The following EPHA10 variants were observed in gnomAD, a reference collection of about 807,000 sequenced individuals.
EPHA10 encodes the protein ephrin type-A receptor 10.
In EPHA10, 120 loss-of-function variants were observed where a neutral mutation model predicts 109.7. The observed-to-expected ratio is 1.09, with a 90% CI of 0.94 to 1.27. The LOEUF is 1.27. EPHA10 is among the 50% of genes most tolerant of loss of function. EPHA10 has a pLI of 0.00. For synonymous variants in EPHA10, 640 were observed against 618.9 expected (o/e 1.03, Z -0.51); for missense variants, 1,396 against 1,411.1 (o/e 0.99, Z 0.17).
At chr1:37,722,017 G>C in intron 10 of EPHA10, 172 bp from the exon 11 acceptor site, 1 of 580,220 alleles carries the variant, frequency 1.7e-6, no homozygotes, top group Non-Finnish European at 2.9e-6. Flanking sequence ...TGTAATCCCA[G>C]CTACTTGAGA....
intron 10 of EPHA10, chr1:37,722,270 T>G: frequency 4.1e-6 from 1 of 246,728 alleles, no homozygotes; most frequent in Non-Finnish European, 8.2e-6. Context: ...CCTCTCTGCC[T>G]TCCTCAGTGG....
intron 3 of EPHA10, among the ~76,000 whole-genome samples, chr1:37,757,591 C>T (rs1646400212): frequency 6.6e-6 from 1 of 152,198 alleles, no homozygotes; most frequent in South Asian, 2.1e-4. Flanking sequence ...CTCCCCACTC[C>T]CCAAGGCAGA....
At chr1:37,745,002 G>A (rs570927488) in intron 5 of EPHA10, among the ~76,000 whole-genome samples, 24 of 152,346 alleles carry the variant, frequency 1.6e-4, no homozygotes, top group Admixed American at 1.0e-3. Context: ...AGACAGCCAT[G>A]TGACTAGAGT....
chr1:37,725,506 C>CAAAAAAAAAAA (rs536628850), intron 8 of EPHA10, among the ~76,000 whole-genome samples: 1 of 56,434 alleles, frequency 1.8e-5, no homozygotes, highest in Non-Finnish European at 3.2e-5. Context: ...GGCTCCATCT[C>CAAAAAAAAAAA]AAAAAAAAAA....
intron 13 of EPHA10, 88 bp downstream of exon 13, chr1:37,720,263 A>G (rs1193618548): frequency 4.1e-6 from 6 of 1,448,982 alleles, no homozygotes; most frequent in Non-Finnish European, 5.5e-6. Flanking sequence ...AGGGGCAGGG[A>G]AAGGAGTAGA....
At position 37,764,908 on chromosome 1, in the gene EPHA10, C is replaced by T. The variant is rs1646461899; in HGVS notation, c.106+53G>A. On this transcript the variant is annotated intron_variant, in intron 1 of 16. Transcript: ENST00000373048. This position sits in a 1 kb window ranked among gnomAD's most constrained non-coding sequence, Gnocchi z 5.8. ...CTTCCCCCAGAACCCCCATCGCCAG[C>T]CCCCTATCTTTTGGTATGCCACGCT... is the stretch of plus-strand genomic sequence containing the variant. 4.0e-6 allele frequency: 6 copies of T among 1,509,610 alleles called. No homozygotes were observed. Among genetic ancestry groups the T allele is most frequent in the Non-Finnish European group, 5.4e-6 (6 of 1,110,764 alleles). The allele number at this position is 1,509,610 out of a possible 1,614,324, so 93.5% of individuals were successfully genotyped here. A position where few individuals can be genotyped will look rare whatever the true frequency, so the allele number is the denominator to read the frequency against.
chr1:37,748,054 A>T (rs1211640954), intron 5 of EPHA10, among the ~76,000 whole-genome samples: 1 of 152,210 alleles, frequency 6.6e-6, no homozygotes, highest in Non-Finnish European at 1.5e-5. Flanking sequence ...AAGACGTTAC[A>T]GTAAAGATTA....
intron 1 of EPHA10, among the ~76,000 whole-genome samples, chr1:37,763,590 TC>T (rs1646451584): frequency 6.6e-6 from 1 of 151,998 alleles, no homozygotes; most frequent in Non-Finnish European, 1.5e-5. Flanking sequence ...AGGTTGGCTC[TC>T]AGATTGGGGG....
Position 37,761,457 on chromosome 1 carries a change from C to G in EPHA10, c.798G>C (p.Val266=). 1.3e-6 allele frequency: 2 copies of G among 1,599,570 alleles called. No homozygotes were observed. Among genetic ancestry groups the G allele is most frequent in the Non-Finnish European group, 1.7e-6 (2 of 1,179,654 alleles). Residue 266 remains valine, a synonymous_variant, in exon 3 of 17, where the codon GTG becomes GTC. Transcript: ENST00000373048. Reference sequence around the variant, plus strand: ...ATCCCGCGCTGCAGCTGCAGCGGCCCACAGGCACCAGCCACTCGCCGTCGG... The same window carrying G: ...ATCCCGCGCTGCAGCTGCAGCGGCCGACAGGCACCAGCCACTCGCCGTCGG... ...CGADGEWLVP[V]GRCSCSAGFQ... is the part of the protein sequence containing the mutation.
intron 8 of EPHA10, 140 bp downstream of exon 8, chr1:37,726,962 A>G (rs1645902184): frequency 1.8e-6 from 1 of 552,222 alleles, no homozygotes. Context: ...GGGATGATGC[A>G]TGCCTACATT....
Position 37,735,375 on chromosome 1 carries a change from T to A in EPHA10, c.1373A>T (p.Asp458Val). The change falls in exon 6 of 17, where the codon GAT becomes GTT. Residue 458 changes from aspartate to valine, a missense_variant. Physicochemically the swap from Asp to Val is radical, Grantham distance 152. Transcript: ENST00000373048. ...STGPGAPWEE[D>V]EIRRDRVEPQ... ...TTCCACTCGGTCCCTGCGGATCTCA[T>A]CCTCCTCCCAGGGCGCTGAAAGTAA... 6.3e-7 allele frequency: 1 copy of A among 1,581,236 alleles called. No homozygotes were observed. The highest frequency in any genetic ancestry group is 8.6e-7 in the Non-Finnish European group (1 of 1,163,606).
At chr1:37,738,420 A>G (rs1315809005) in intron 5 of EPHA10, among the ~76,000 whole-genome samples, 1 of 152,218 alleles carries the variant, frequency 6.6e-6, no homozygotes, top group Non-Finnish European at 1.5e-5. Flanking sequence ...GCTTAATATC[A>G]TTAATCATCA....
At chr1:37,752,342 G>C (rs1279919693) in intron 5 of EPHA10, among the ~76,000 whole-genome samples, 1 of 152,148 alleles carries the variant, frequency 6.6e-6, no homozygotes, top group African/African-American at 2.4e-5. Flanking sequence ...CAGGAAAGGA[G>C]GTGGCCAGAT....
intron 3 of EPHA10, chr1:37,760,334 C>A: frequency 1.9e-6 from 2 of 1,048,050 alleles, no homozygotes; most frequent in Non-Finnish European, 2.3e-6. Flanking sequence ...CCCATCATCA[C>A]CCTCTGTATC....
rs1338093214 is a variant in EPHA10 at position 37,761,776 on chromosome 1, C to T, written c.479G>A (p.Ser160Asn). The change falls in exon 3 of 17, where the codon AGC (serine) becomes AAC (asparagine). Residue 160 changes from serine to asparagine, a missense_variant. Transcript: ENST00000373048. The stretch of plus-strand genomic sequence containing the variant: ...CTCACCCAGGTCGCCCTGCGTGAAG[C>T]TCTCGTCCGCCGCGATCGTGTCGAT... ...RKIDTIAADE[S>N]FTQGDLGERK... 8 of 1,613,708 alleles carry T rather than the reference C, an allele frequency of 5.0e-6. No individual in the cohort carries two copies. The South Asian group carries it at 8.8e-5, about 18-fold the overall frequency.
intron 5 of EPHA10, among the ~76,000 whole-genome samples, chr1:37,740,080 AAAAT>A (rs976644099): frequency 7.9e-5 from 12 of 152,278 alleles, no homozygotes; most frequent in African/African-American, 1.7e-4. Flanking sequence ...AGTCTCAAAA[AAAAT>A]AAATAAATAA....
chr1:37,754,253 G>T lies in EPHA10; in HGVS notation c.968C>A (p.Ala323Glu). 4.5e-6 allele frequency: 6 copies of T among 1,321,954 alleles called. No individual in the cohort carries two copies. Among genetic ancestry groups the T allele is most frequent in the Non-Finnish European group, 5.8e-6 (6 of 1,029,860 alleles). 81.9% of individuals were successfully genotyped at this position (1,321,954 alleles called of 1,614,324 possible). The part of the protein sequence containing the change: ...STFCVCQDSY[A>E]RSPTDPPSAS... ...CGAGGGCGGGTCGGTGGGTGAGCGC[G>T]CATAGCTGTCCTGGCACACGCAGAA... Residue 323 changes from alanine to glutamate, a missense_variant, in exon 4 of 17, where the codon GCG becomes GAG. By Grantham distance (107) the Ala-to-Glu change is moderately radical. Coordinates refer to ENST00000373048, the MANE Select transcript of EPHA10 (RefSeq NM_001099439.2). This position sits in a 1 kb window ranked among gnomAD's most constrained non-coding sequence, Gnocchi z 4.5.
At position 37,727,226 on chromosome 1, in the gene EPHA10, C is replaced by T. The variant is rs369911416; in HGVS notation, c.1664-16G>A. The T allele has an allele frequency of 3.0e-4, 472 of 1,587,220 alleles. No individual in the cohort carries two copies. Among genetic ancestry groups the T allele is most frequent in the Non-Finnish European group, 3.1e-4 (366 of 1,165,466 alleles). ...CCTGAGGCAGCTGGGAGGAAAATCA[C>T]GAGGTTGAGGCAGGCAGAGGACCAG... On this transcript the variant is annotated splice_polypyrimidine_tract_variant and intron_variant, in intron 7 of 16. Coordinates refer to ENST00000373048, the MANE Select transcript of EPHA10 (RefSeq NM_001099439.2).
At chr1:37,721,125 G>A (rs898364438) in intron 11 of EPHA10, among the ~76,000 whole-genome samples, 7 of 151,988 alleles carry the variant, frequency 4.6e-5, no homozygotes, top group South Asian at 2.1e-4. Flanking sequence ...TCACAGGTCA[G>A]AAAGGTCATC....
Sources: allele counts gnomAD v4.1 joint callset (sites outside exome capture counted in the v4.1 genomes callset), GRCh38; gene constraint gnomAD v4.1.1; non-coding constraint Gnocchi (gnomAD v3.1); transcripts MANE v1.5; gene names NCBI Gene and HGNC (gene_info 2026-07-23, HGNC 2026-07-21).